APOLD1: variants seen among roughly 807,000 people sequenced by gnomAD.
APOLD1 encodes the protein apolipoprotein L domain containing 1, also known as apolipoprotein L domain-containing protein 1.
Under a neutral mutation model 15.3 loss-of-function variants are expected in APOLD1, and 22 were observed. The observed-to-expected ratio is 1.44, with a 90% confidence interval of 1.03 to 2.05. The LOEUF is 2.05. APOLD1 is among the 30% of genes most tolerant of loss of function. APOLD1 has a pLI of 0.00. For missense variants in APOLD1, 394 were observed against 353.5 expected, an observed-to-expected ratio of 1.11 and a Z score of -0.92; for synonymous variants, 190 against 167.4, an observed-to-expected ratio of 1.13 and a Z score of -1.04.
intron 1 of APOLD1, among the ~76,000 whole-genome samples, chr12:12,747,994 A>G (rs1247362848): frequency 2.6e-5 from 4 of 152,180 alleles, no homozygotes; most frequent in Non-Finnish European, 5.9e-5. Flanking sequence ...AAACTTTGGA[A>G]AAGTCATTCA....
intron 1 of APOLD1, among the ~76,000 whole-genome samples, chr12:12,737,666 T>C (rs551006637): frequency 6.6e-6 from 1 of 152,172 alleles, no homozygotes; most frequent in Non-Finnish European, 1.5e-5. Context: ...AGAGTACTGA[T>C]AGAAAGTGAG....
chr12:12,757,962 A>T, intron 1 of APOLD1, among the ~76,000 whole-genome samples: 1 of 136,232 alleles, frequency 7.3e-6, no homozygotes. Flanking sequence ...TTTTTTTGAG[A>T]CAGAGTCTTG....
At chr12:12,767,113 G>T (rs541665740) in intron 1 of APOLD1, among the ~76,000 whole-genome samples, 2 of 151,954 alleles carry the variant, frequency 1.3e-5, no homozygotes, top group South Asian at 2.1e-4. Flanking sequence ...GGGTGTGGTG[G>T]TGCATGCCTA....
At chr12:12,755,834 C>G (rs1592298108) in intron 1 of APOLD1, among the ~76,000 whole-genome samples, 2 of 152,214 alleles carry the variant, frequency 1.3e-5, no homozygotes, top group Admixed American at 6.5e-5. Context: ...GAGTGAGACT[C>G]TGTCTCAAAA....
At chr12:12,741,299 T>G (rs1454351133) in intron 1 of APOLD1, among the ~76,000 whole-genome samples, 1 of 152,212 alleles carries the variant, frequency 6.6e-6, no homozygotes, top group Non-Finnish European at 1.5e-5. Flanking sequence ...CTCAAACTCC[T>G]GGGCTCAAGT....
intron 1 of APOLD1, among the ~76,000 whole-genome samples, chr12:12,771,031 A>G (rs1038635615): frequency 6.6e-6 from 1 of 152,214 alleles, no homozygotes; most frequent in Non-Finnish European, 1.5e-5. Flanking sequence ...AAAGTGGCAC[A>G]GAAATAAAGG....
At chr12:12,762,501 C>T (rs1234981353) in intron 1 of APOLD1, among the ~76,000 whole-genome samples, 6 of 151,844 alleles carry the variant, frequency 4.0e-5, no homozygotes, top group African/African-American at 9.7e-5. Context: ...ATTATAGACG[C>T]GCACCACCAC....
chr12:12,774,569 AAAAAAG>A (rs1947015653), intron 1 of APOLD1, among the ~76,000 whole-genome samples: 7 of 121,394 alleles, frequency 5.8e-5, no homozygotes, highest in African/African-American at 1.4e-4. Flanking sequence ...AAAAAAAAAA[AAAAAAG>A]AAAGAAAAGA....
intron 1 of APOLD1, among the ~76,000 whole-genome samples, chr12:12,734,647 C>A (rs559864047): frequency 9.2e-5 from 14 of 152,204 alleles, no homozygotes; most frequent in Non-Finnish European, 1.9e-4. Context: ...AAGCTAGAGT[C>A]CTGATTTTTG....
exon 1 of APOLD1, chr12:12,726,000 G>T (rs1946587768): frequency 6.6e-7 from 1 of 1,511,434 alleles, no homozygotes; most frequent in Non-Finnish European, 8.9e-7. Flanking sequence ...CTCGTTCACG[G>T]ATGTTCCGCG....
At chr12:12,737,945 A>G (rs1252181555) in intron 1 of APOLD1, among the ~76,000 whole-genome samples, 1 of 152,174 alleles carries the variant, frequency 6.6e-6, no homozygotes, top group East Asian at 1.9e-4. Context: ...ATGAGTGCCT[A>G]CTATGTGCCA....
intron 1 of APOLD1, among the ~76,000 whole-genome samples, chr12:12,761,801 A>T (rs11610445): frequency 0.052 from 7,161 of 138,436 alleles, 316 homozygotes; most frequent in African/African-American, 0.098. Context: ...ATATATATAT[A>T]CATGAACATA....
intron 1 of APOLD1, among the ~76,000 whole-genome samples, chr12:12,733,288 G>C (rs1946656609): frequency 6.6e-6 from 1 of 151,798 alleles, no homozygotes; most frequent in South Asian, 2.1e-4. Context: ...TCACGCCACT[G>C]CACTCCAGCC....
chr12:12,786,956 G>A lies in APOLD1; in HGVS notation c.51G>A (p.Leu17=). 5 of 1,460,184 alleles carry A rather than the reference G, an allele frequency of 3.4e-6. No individual in the cohort carries two copies. Among genetic ancestry groups the A allele is most frequent in the Middle Eastern group, 2.3e-4 (1 of 4,412 alleles). 90.5% of individuals were successfully genotyped at this position (1,460,184 alleles called of 1,614,324 possible). A position where few individuals can be genotyped will look rare whatever the true frequency, so the allele number is the denominator to read the frequency against. ...GGGAGCCGCATGGGCCCGACGCGCT[G>A]CGGCGCTTCCAGGGACTGCTGCTGG... is the stretch of plus-strand genomic sequence containing the variant. ...AAREPHGPDA[L]RRFQGLLLDR... Residue 17 remains leucine (L), a synonymous_variant, in exon 2 of 2, where the codon CTG becomes CTA. Coordinates refer to ENST00000356591, the MANE Select transcript of APOLD1 (RefSeq NM_030817.3).
At chr12:12,748,053 A>G (rs1169956314) in intron 1 of APOLD1, among the ~76,000 whole-genome samples, 1 of 152,220 alleles carries the variant, frequency 6.6e-6, no homozygotes, top group Non-Finnish European at 1.5e-5. Context: ...CAGAGGGCCT[A>G]AGTGGGGACT....
intron 1 of APOLD1, among the ~76,000 whole-genome samples, chr12:12,770,363 C>T (rs753998516): frequency 9.8e-5 from 15 of 152,288 alleles, no homozygotes; most frequent in Admixed American, 2.6e-4. Context: ...CGAAATCGTG[C>T]CTTTGCACTA....
At chr12:12,771,644 GT>G in intron 1 of APOLD1, 1 of 499,014 alleles carries the variant, frequency 2.0e-6, no homozygotes, top group African/African-American at 2.0e-5. Context: ...TATTGTCAGA[GT>G]TCATTGAAAC....
In APOLD1 at chr12:12,751,144, C is replaced by T. The variant is rs74396590; in HGVS notation, c.96+25048C>T. 6.6e-4 allele frequency among the ~76,000 whole-genome samples: 101 copies of T among 151,924 alleles called. 2 individuals are homozygous for T. In the East Asian group the frequency reaches 0.013, roughly 20 times the overall value. Reference sequence around the variant, plus strand: ...TTTTGGAACCTTATGTGAGCAAAATCGCCATTGCCTACCAGGGTTCCTGGA... The same window carrying T: ...TTTTGGAACCTTATGTGAGCAAAATTGCCATTGCCTACCAGGGTTCCTGGA... On this transcript the variant is annotated intron_variant, in intron 1 of 1. Transcript: ENST00000326765.
intron 1 of APOLD1, among the ~76,000 whole-genome samples, chr12:12,771,170 G>A (rs779807453): frequency 8.5e-5 from 13 of 152,152 alleles, no homozygotes; most frequent in African/African-American, 2.7e-4. Flanking sequence ...AAGAACATCC[G>A]AGTCAGTGAA....
Sources: allele counts gnomAD v4.1 joint callset (sites outside exome capture counted in the v4.1 genomes callset), GRCh38; gene constraint gnomAD v4.1.1; transcripts MANE v1.5; gene names NCBI Gene and HGNC (gene_info 2026-07-23, HGNC 2026-07-21).